The following PDE1C variants were observed in gnomAD, a reference collection of about 807,000 sequenced individuals.
PDE1C encodes the protein dual specificity calcium/calmodulin-dependent 3',5'-cyclic nucleotide phosphodiesterase 1C.
PDE1C carries 62 observed loss-of-function variants against 93.1 expected under a neutral mutation model. The ratio of observed to expected loss-of-function variants is 0.67; its 90% CI spans 0.54 to 0.82. The LOEUF (loss-of-function observed/expected upper bound fraction) is 0.82, where lower values mean the gene tolerates loss of function less well. Among genes scored for constraint, PDE1C ranks in the 40% least tolerant of loss-of-function variants. PDE1C has a pLI of 0.00. For missense variants in PDE1C, 742 were observed against 884.6 expected, an observed-to-expected ratio of 0.84 and a Z score of 2.04; for synonymous variants, 325 against 310.1, an observed-to-expected ratio of 1.05 and a Z score of -0.50.
intron 3 of PDE1C, among the ~76,000 whole-genome samples, chr7:32,085,195 C>T (rs1249976327): frequency 6.6e-6 from 1 of 151,618 alleles, no homozygotes; most frequent in Non-Finnish European, 1.5e-5. Flanking sequence ...CACAGAAATA[C>T]AAACTACCAT....
At chr7:31,862,125 T>C (rs968412567) in intron 7 of PDE1C, among the ~76,000 whole-genome samples, 1 of 152,180 alleles carries the variant, frequency 6.6e-6, no homozygotes, top group African/African-American at 2.4e-5. Context: ...AAAAACACAA[T>C]TATCTCAGCT....
chr7:32,328,189 C>T (rs752756707), intron 1 of PDE1C, among the ~76,000 whole-genome samples: 41 of 152,142 alleles, frequency 2.7e-4, no homozygotes, highest in Non-Finnish European at 4.4e-4. Context: ...TTCTATTGTT[C>T]ACATCCTTGC....
chr7:31,753,274 C>T lies in PDE1C; in HGVS notation c.*110G>A, dbSNP rs905071082. ...CTTGGTGGAGTCAACCAGGATAGTA[C>T]CTGCTCCAACAGCCTCCAAGGGTCT... On this transcript the variant is annotated 3_prime_UTR_variant, in exon 18 of 18. Coordinates refer to ENST00000396191, the MANE Select transcript of PDE1C (RefSeq NM_001191057.4). The T allele has an allele frequency of 4.3e-5, 58 of 1,359,252 alleles. No homozygotes were observed. The highest frequency in any genetic ancestry group is 5.3e-5 in the Non-Finnish European group (53 of 1,003,546). The allele number at this position is 1,359,252 out of a possible 1,614,324, so 84.2% of individuals were successfully genotyped here.
chr7:32,138,325 G>GA (rs1800322275), intron 3 of PDE1C, among the ~76,000 whole-genome samples: 2 of 152,072 alleles, frequency 1.3e-5, no homozygotes, highest in South Asian at 2.1e-4. Flanking sequence ...GGTGTGTTAT[G>GA]AAAAATAAAT....
intron 16 of PDE1C, among the ~76,000 whole-genome samples, chr7:31,801,427 A>G (rs902464888): frequency 3.3e-5 from 5 of 151,468 alleles, no homozygotes; most frequent in Non-Finnish European, 5.9e-5. Flanking sequence ...CTCCCAGAAT[A>G]TAGTCTATCT....
chr7:31,661,467 C>T, the PDE1C span, among the ~76,000 whole-genome samples: 271 of 152,258 alleles, frequency 1.8e-3, 1 homozygote, highest in African/African-American at 6.1e-3. Flanking sequence ...AATCCCAGCA[C>T]TTTGGGAGCC....
chr7:32,368,531 A>G (rs1784266259), intron 1 of PDE1C, among the ~76,000 whole-genome samples: 1 of 152,222 alleles, frequency 6.6e-6, no homozygotes, highest in African/African-American at 2.4e-5. Context: ...AAAACAGCCC[A>G]TACTCATGGA....
chr7:32,275,643 G>GA (rs558427428), intron 1 of PDE1C, among the ~76,000 whole-genome samples: 3 of 142,520 alleles, frequency 2.1e-5, no homozygotes, highest in South Asian at 2.2e-4. Flanking sequence ...GAACATCAGG[G>GA]AAAAAAAAAT....
intron 9 of PDE1C, among the ~76,000 whole-genome samples, chr7:31,842,257 A>T (rs1792002590): frequency 6.6e-6 from 1 of 152,160 alleles, no homozygotes; most frequent in African/African-American, 2.4e-5. Flanking sequence ...TTAGTCTTTA[A>T]CATTCCTTTT....
At chr7:31,757,665 A>G (rs368933693) in intron 17 of PDE1C, among the ~76,000 whole-genome samples, 3 of 152,346 alleles carry the variant, frequency 2.0e-5, no homozygotes, top group Non-Finnish European at 2.9e-5. Flanking sequence ...TGGAGAGGAT[A>G]TGGAGAAATA....
chr7:32,114,725 G>T (rs1798886902), intron 3 of PDE1C, among the ~76,000 whole-genome samples: 1 of 152,096 alleles, frequency 6.6e-6, no homozygotes, highest in African/African-American at 2.4e-5. Context: ...CCTGACAAAG[G>T]TCTAATATCT....
At chr7:31,841,183 C>T (rs1185416263) in intron 9 of PDE1C, among the ~76,000 whole-genome samples, 1 of 147,098 alleles carries the variant, frequency 6.8e-6, no homozygotes, top group Non-Finnish European at 1.5e-5. Flanking sequence ...CAATGGTTTG[C>T]TGCTAGTGTC....
intron 2 of PDE1C, among the ~76,000 whole-genome samples, chr7:32,196,749 A>C (rs1294455685): frequency 6.6e-6 from 1 of 152,228 alleles, no homozygotes; most frequent in African/African-American, 2.4e-5. Flanking sequence ...ACTCAGTGGA[A>C]TCCATTACAT....
intron 2 of PDE1C, among the ~76,000 whole-genome samples, chr7:32,041,850 A>C (rs1584565093): frequency 1.3e-5 from 2 of 152,330 alleles, no homozygotes; most frequent in Admixed American, 1.3e-4. Context: ...CCAAATACGA[A>C]AACTTTCAAA....
intron 1 of PDE1C, among the ~76,000 whole-genome samples, chr7:32,331,594 G>A (rs41339546): frequency 0.031 from 4,771 of 152,208 alleles, 138 homozygotes; most frequent in African/African-American, 0.078. Flanking sequence ...TTGGAGGCGA[G>A]TTAGGAAGCC....
chr7:32,386,089 C>CTT (rs3079658), intron 1 of PDE1C, among the ~76,000 whole-genome samples: 8 of 137,518 alleles, frequency 5.8e-5, no homozygotes, highest in Admixed American at 2.1e-4. Flanking sequence ...CTTTTTCTTT[C>CTT]TTTTTTTTTT....
chr7:31,776,668 T>C (rs1319634391), intron 16 of PDE1C, among the ~76,000 whole-genome samples: 14 of 152,156 alleles, frequency 9.2e-5, no homozygotes, highest in Admixed American at 9.2e-4. Context: ...ACATATCTTA[T>C]ATATAAACAT....
intron 1 of PDE1C, among the ~76,000 whole-genome samples, chr7:32,398,704 G>A (rs1331811796): frequency 6.6e-6 from 1 of 152,010 alleles, no homozygotes; most frequent in Non-Finnish European, 1.5e-5. Context: ...TGTGATCCTA[G>A]CTGAGGGACA....
chr7:32,254,775 C>G (rs1348573486), intron 1 of PDE1C, among the ~76,000 whole-genome samples: 2 of 152,020 alleles, frequency 1.3e-5, no homozygotes, highest in African/African-American at 4.8e-5. Context: ...GAAACCCCTG[C>G]TACCAAGGAG....
Sources: allele counts gnomAD v4.1 joint callset (sites outside exome capture counted in the v4.1 genomes callset), GRCh38; gene constraint gnomAD v4.1.1; transcripts MANE v1.5; gene names NCBI Gene and HGNC (gene_info 2026-07-23, HGNC 2026-07-21).